Variants in SORCS1 observed in about 807,000 individuals in gnomAD.
The protein encoded by SORCS1 is sortilin related VPS10 domain containing receptor 1, also known as VPS10 domain-containing receptor SorCS1.
Under a neutral mutation model 146.1 loss-of-function variants are expected in SORCS1, and 60 were observed. That is an observed-to-expected ratio of 0.41 (90% CI 0.33 to 0.51). The LOEUF (loss-of-function observed/expected upper bound fraction) is 0.51. Ranked by LOEUF, SORCS1 falls within the 20% of genes least tolerant of loss-of-function variation. SORCS1 has a pLI of 0.21. For synonymous variants in SORCS1, 637 were observed against 584.0 expected (o/e 1.09, Z -1.31); for missense variants, 1,352 against 1,487.6 (o/e 0.91, Z 1.50).
In SORCS1 at chr10:107,051,358, T is replaced by G. The variant is rs750768617; in HGVS notation, c.559-94778A>C. On this transcript the variant is annotated intron_variant, in intron 1 of 25. Coordinates refer to ENST00000263054, the MANE Select transcript of SORCS1 (RefSeq NM_052918.5). Reference sequence around the variant, plus strand: ...ATGAGCAATTGTCCAGGCTCTGAGCTGAGAGCCATTTTGTCAAGTCCATAG... The same window carrying G: ...ATGAGCAATTGTCCAGGCTCTGAGCGGAGAGCCATTTTGTCAAGTCCATAG... Among the ~76,000 whole-genome samples the G allele has an allele frequency of 3.9e-5, 6 of 152,166 alleles. 1 individual carries two copies. Among genetic ancestry groups the G allele is most frequent in the Middle Eastern group, 3.2e-3 (1 of 316 alleles).
chr10:106,681,768 G>T (rs1218804210), intron 10 of SORCS1, among the ~76,000 whole-genome samples: 3 of 152,202 alleles, frequency 2.0e-5, no homozygotes, highest in Admixed American at 2.0e-4. Context: ...GCCACTGCTG[G>T]AAGATTTTGA....
At chr10:107,091,030 C>A (rs1446964811) in intron 1 of SORCS1, among the ~76,000 whole-genome samples, 3 of 152,186 alleles carry the variant, frequency 2.0e-5, no homozygotes, top group African/African-American at 7.2e-5. Flanking sequence ...AAAGCTCTAT[C>A]TCCATGAGGT....
intron 2 of SORCS1, among the ~76,000 whole-genome samples, chr10:106,872,010 A>G: frequency 6.6e-6 from 1 of 152,246 alleles, no homozygotes; most frequent in East Asian, 1.9e-4. Context: ...ACTGTCAATG[A>G]AACAAATAAA....
At chr10:106,676,975 C>T (rs1852075939) in intron 13 of SORCS1, among the ~76,000 whole-genome samples, 1 of 152,126 alleles carries the variant, frequency 6.6e-6, no homozygotes, top group Non-Finnish European at 1.5e-5. Flanking sequence ...TCCTCACCTC[C>T]TCTTCTTTAC....
At chr10:107,173,476 A>G in the SORCS1 span, among the ~76,000 whole-genome samples, 16 of 152,294 alleles carry the variant, frequency 1.1e-4, no homozygotes, top group South Asian at 2.9e-3. Flanking sequence ...CACTATTTAT[A>G]TATACATTAA....
chr10:107,077,145 A>AT (rs1371995667), intron 1 of SORCS1, among the ~76,000 whole-genome samples: 1 of 151,034 alleles, frequency 6.6e-6, no homozygotes, highest in Non-Finnish European at 1.5e-5. Context: ...TTTCTGTTTT[A>AT]TTTTTCCCCT....
intron 1 of SORCS1, among the ~76,000 whole-genome samples, chr10:106,974,497 A>T (rs1365605131): frequency 6.6e-6 from 1 of 152,104 alleles, no homozygotes; most frequent in African/African-American, 2.4e-5. Flanking sequence ...AGTGATGGGG[A>T]GGATGGCACT....
chr10:107,148,170 A>C (rs2134784561), intron 1 of SORCS1, among the ~76,000 whole-genome samples: 1 of 152,294 alleles, frequency 6.6e-6, no homozygotes, highest in Non-Finnish European at 1.5e-5. Flanking sequence ...GGGTCCAAAA[A>C]ACACTCTCAA....
chr10:107,163,440 C>T (rs1969856481), intron 1 of SORCS1, among the ~76,000 whole-genome samples: 1 of 152,214 alleles, frequency 6.6e-6, no homozygotes, highest in Non-Finnish European at 1.5e-5. Flanking sequence ...CACTAAAGAA[C>T]ACCTTATATA....
At chr10:106,921,657 G>A (rs1382019363) in intron 2 of SORCS1, among the ~76,000 whole-genome samples, 1 of 152,136 alleles carries the variant, frequency 6.6e-6, no homozygotes, top group Non-Finnish European at 1.5e-5. Context: ...TCTCACACAT[G>A]CCTTGGAACC....
chr10:107,156,601 G>C (rs575403054), intron 1 of SORCS1, among the ~76,000 whole-genome samples: 7 of 152,280 alleles, frequency 4.6e-5, no homozygotes, highest in South Asian at 4.1e-4. Context: ...CCAACAGTTA[G>C]AAGTAGAAAA....
chr10:106,866,284 G>A (rs979808731), intron 2 of SORCS1, among the ~76,000 whole-genome samples: 13 of 152,104 alleles, frequency 8.5e-5, no homozygotes, highest in African/African-American at 3.1e-4. Context: ...AACCCAAGAA[G>A]AGGAGGTCAC....
chr10:106,585,366 G>T (rs529073906), intron 24 of SORCS1, among the ~76,000 whole-genome samples: 1 of 152,216 alleles, frequency 6.6e-6, no homozygotes, highest in South Asian at 2.1e-4. Flanking sequence ...AAAACTTCCA[G>T]TCCTGTCTTT....
At chr10:106,995,182 C>T (rs373861607) in intron 1 of SORCS1, among the ~76,000 whole-genome samples, 9 of 151,928 alleles carry the variant, frequency 5.9e-5, no homozygotes, top group Admixed American at 1.3e-4. Flanking sequence ...GGCGTGGTGG[C>T]GGGCGCCTGT....
intron 8 of SORCS1, among the ~76,000 whole-genome samples, chr10:106,704,071 T>C (rs1340217364): frequency 6.6e-6 from 1 of 152,172 alleles, no homozygotes; most frequent in African/African-American, 2.4e-5. Flanking sequence ...CGGGCAACTG[T>C]CAGCAGTGAT....
intron 18 of SORCS1, among the ~76,000 whole-genome samples, chr10:106,637,741 GT>G (rs902403555): frequency 1.1e-4 from 17 of 152,198 alleles, no homozygotes; most frequent in African/African-American, 3.4e-4. Flanking sequence ...GAAGATGGCT[GT>G]TTTTTCAGGC....
At chr10:106,693,745 A>C (rs1249527926) in intron 9 of SORCS1, among the ~76,000 whole-genome samples, 3 of 152,144 alleles carry the variant, frequency 2.0e-5, no homozygotes, top group Non-Finnish European at 4.4e-5. Flanking sequence ...TTCTTATGGG[A>C]ATCAGTCTTC....
the SORCS1 span, among the ~76,000 whole-genome samples, chr10:107,175,876 A>G: frequency 5.3e-5 from 8 of 152,168 alleles, no homozygotes; most frequent in South Asian, 4.1e-4. Context: ...TGTTAGATCT[A>G]TATTAATGTC....
chr10:107,006,402 A>T (rs1957444404), intron 1 of SORCS1, among the ~76,000 whole-genome samples: 1 of 152,252 alleles, frequency 6.6e-6, no homozygotes, highest in African/African-American at 2.4e-5. Context: ...GCACAGGGAA[A>T]CACTATTTAA....
Sources: gnomAD v4.1 joint callset for allele counts (sites outside exome capture counted in the v4.1 genomes callset) on GRCh38, gnomAD v4.1.1 for gene constraint, MANE v1.5 for transcripts, NCBI Gene and HGNC (gene_info 2026-07-23, HGNC 2026-07-21) for gene names.